PIWIL3: variants seen among roughly 807,000 people sequenced by gnomAD.
PIWIL3 encodes the protein piwi like RNA-mediated gene silencing 3.
PIWIL3 carries 101 observed loss-of-function variants against 109.7 expected under a neutral mutation model. That is an observed-to-expected ratio of 0.92 (90% CI 0.78 to 1.09). PIWIL3 has a LOEUF of 1.09. PIWIL3 is among the 50% of genes least tolerant of loss of function. The probability of loss-of-function intolerance (pLI) is 0.00; values close to 1 mark genes in which losing one functional copy is unlikely to be tolerated. For missense variants in PIWIL3, 1,031 were observed against 1,072.6 expected (o/e 0.96, Z 0.54); for synonymous variants, 373 against 376.4 (o/e 0.99, Z 0.10).
chr22:24,773,907 G>T (rs918372605), intron 1 of PIWIL3, among the ~76,000 whole-genome samples: 1 of 151,892 alleles, frequency 6.6e-6, no homozygotes, highest in Admixed American at 6.6e-5. Context: ...TAGAGACGGG[G>T]TTTCACCATC....
At chr22:24,732,171 G>A (rs558926504) in intron 14 of PIWIL3, among the ~76,000 whole-genome samples, 17 of 152,198 alleles carry the variant, frequency 1.1e-4, no homozygotes, top group South Asian at 2.1e-4. Flanking sequence ...TTACATCAAC[G>A]TATTTTCTTA....
chr22:24,757,143 T>C (rs957121552), intron 4 of PIWIL3, among the ~76,000 whole-genome samples: 1 of 146,884 alleles, frequency 6.8e-6, no homozygotes, highest in Non-Finnish European at 1.5e-5. Context: ...GACAAGGAGA[T>C]AAATGACATT....
chr22:24,737,976 C>A (rs1222759998), intron 12 of PIWIL3, among the ~76,000 whole-genome samples: 2 of 152,108 alleles, frequency 1.3e-5, no homozygotes, highest in East Asian at 1.9e-4. Context: ...CCTGATGAAA[C>A]CCCGTCTTCT....
chr22:24,768,628 C>G (rs185562360), intron 1 of PIWIL3, among the ~76,000 whole-genome samples: 2 of 152,168 alleles, frequency 1.3e-5, no homozygotes, highest in African/African-American at 4.8e-5. Flanking sequence ...GCAATGTCTC[C>G]CTCAGCCCTT....
In PIWIL3 at chr22:24,759,736, G is replaced by T. The variant is rs990893483; in HGVS notation, c.223+133C>A. The T allele has an allele frequency of 2.3e-6, 3 of 1,309,372 alleles. No homozygotes were observed. In the Admixed American group the frequency reaches 6.3e-5, roughly 27 times the overall value. 81.1% of individuals were successfully genotyped at this position (1,309,372 alleles called of 1,614,324 possible). ...ATTCACTGCACAAAGAGAGACAGTT[G>T]CAAGCTGCACACACTTCCCATCCCA... On this transcript the variant is annotated intron_variant, in intron 3 of 20. Coordinates refer to ENST00000616349, the MANE Select transcript of PIWIL3 (RefSeq NM_001255975.1).
At position 24,728,706 on chromosome 22, in the gene PIWIL3, T is replaced by G. The variant is rs1923147213; in HGVS notation, c.1708-332A>C. On this transcript the variant is annotated intron_variant, in intron 14 of 20. Transcript: ENST00000616349. ...AGTGTTTAAATTATAGTGTTGTAAA[T>G]TATAGTTAACATTGTTATAAATTAC... Among the ~76,000 whole-genome samples, 3 of 152,294 alleles carry G rather than the reference T, an allele frequency of 2.0e-5. No homozygotes were observed. The South Asian group carries it at 6.2e-4, about 32-fold the overall frequency.
intron 3 of PIWIL3, among the ~76,000 whole-genome samples, chr22:24,758,561 G>A (rs931009749): frequency 8.5e-5 from 13 of 152,160 alleles, no homozygotes; most frequent in African/African-American, 1.9e-4. Context: ...AGCACAATGC[G>A]GTCTTTCAGT....
At chr22:24,723,292 C>CA in intron 18 of PIWIL3, 37 bp from the exon 19 acceptor site, 1 of 1,585,016 alleles carries the variant, frequency 6.3e-7, no homozygotes, top group Non-Finnish European at 8.6e-7. Flanking sequence ...TATGTTTACT[C>CA]AGTCTTACCT....
chr22:24,739,377 C>G (rs1233114107), intron 12 of PIWIL3, among the ~76,000 whole-genome samples: 3 of 152,114 alleles, frequency 2.0e-5, no homozygotes, highest in Non-Finnish European at 4.4e-5. Flanking sequence ...CACCCATAGA[C>G]AACTACTTCA....
intron 12 of PIWIL3, among the ~76,000 whole-genome samples, chr22:24,746,063 G>GA: frequency 6.6e-6 from 1 of 152,066 alleles, no homozygotes; most frequent in African/African-American, 2.4e-5. Flanking sequence ...CTCCTATTCC[G>GA]AAAAATAGAG....
intron 1 of PIWIL3, among the ~76,000 whole-genome samples, chr22:24,770,395 T>C (rs1177147477): frequency 6.6e-6 from 1 of 152,202 alleles, no homozygotes; most frequent in Non-Finnish European, 1.5e-5. Flanking sequence ...TTTATTTTAA[T>C]TTTTGTAGCC....
chr22:24,770,690 C>A (rs1471256717), intron 1 of PIWIL3, among the ~76,000 whole-genome samples: 1 of 148,626 alleles, frequency 6.7e-6, no homozygotes. Context: ...CAAAAATTAG[C>A]CGGGCATGGT....
At chr22:24,760,986 T>A (rs1925404220) in intron 2 of PIWIL3, among the ~76,000 whole-genome samples, 1 of 151,784 alleles carries the variant, frequency 6.6e-6, no homozygotes, top group African/African-American at 2.4e-5. Context: ...CCGTGGTTGT[T>A]TTTGAGAAGG....
At chr22:24,759,089 T>C (rs1212394052) in intron 3 of PIWIL3, among the ~76,000 whole-genome samples, 1 of 152,188 alleles carries the variant, frequency 6.6e-6, no homozygotes, top group East Asian at 1.9e-4. Flanking sequence ...AGATGGGATT[T>C]TGCCATGTTG....
chr22:24,751,592 G>A, intron 8 of PIWIL3, 94 bp from the exon 9 acceptor site: 2 of 1,529,710 alleles, frequency 1.3e-6, no homozygotes, highest in Admixed American at 4.2e-5. Flanking sequence ...GCAAGGAATT[G>A]CAGAATATAT....
intron 16 of PIWIL3, 95 bp downstream of exon 16, chr22:24,727,855 C>T: frequency 2.0e-6 from 2 of 1,004,760 alleles, no homozygotes; most frequent in South Asian, 3.2e-5. Flanking sequence ...GTCAAATTCC[C>T]AACCTCTTGA....
chr22:24,757,845 A>C, intron 4 of PIWIL3, 63 bp downstream of exon 4: 1 of 189,500 alleles, frequency 5.3e-6, no homozygotes, highest in Non-Finnish European at 7.3e-6. Flanking sequence ...CTCTCAATGA[A>C]AAAAAAAAAA....
intron 12 of PIWIL3, among the ~76,000 whole-genome samples, chr22:24,742,239 G>T (rs1386557089): frequency 6.8e-6 from 1 of 146,974 alleles, no homozygotes; most frequent in East Asian, 2.0e-4. Flanking sequence ...ACTACTGAAA[G>T]AAATCACAGG....
chr22:24,757,756 AG>A (rs747866923), intron 4 of PIWIL3, 151 bp downstream of exon 4: 11 of 855,146 alleles, frequency 1.3e-5, no homozygotes, highest in Non-Finnish European at 1.9e-5. Context: ...GGATCAGCTC[AG>A]GATCAGCTGA....
Sources: allele counts gnomAD v4.1 joint callset (sites outside exome capture counted in the v4.1 genomes callset), GRCh38; gene constraint gnomAD v4.1.1; transcripts MANE v1.5; gene names NCBI Gene and HGNC (gene_info 2026-07-23, HGNC 2026-07-21).